LRGUK: variants seen among roughly 807,000 people sequenced by gnomAD.
The protein encoded by LRGUK is leucine-rich repeat and guanylate kinase domain-containing protein.
LRGUK carries 65 observed loss-of-function variants against 76.0 expected under a neutral mutation model. That is an observed-to-expected ratio of 0.85 (90% CI 0.70 to 1.05). LRGUK has a LOEUF of 1.05. Among genes scored for constraint, LRGUK ranks in the 50% least tolerant of loss-of-function variants. LRGUK has a pLI of 0.00. For synonymous variants in LRGUK, 268 were observed against 265.6 expected (o/e 1.01, Z -0.09); for missense variants, 758 against 732.8 (o/e 1.03, Z -0.40).
At chr7:134,179,189 C>T (rs563997964) in intron 10 of LRGUK, among the ~76,000 whole-genome samples, 13 of 152,114 alleles carry the variant, frequency 8.5e-5, no homozygotes, top group African/African-American at 2.9e-4. Context: ...AGGGAGGAGT[C>T]GCCCAGCTCG....
chr7:134,260,766 T>C (rs1239874862), intron 19 of LRGUK, among the ~76,000 whole-genome samples: 3 of 152,222 alleles, frequency 2.0e-5, no homozygotes, highest in Admixed American at 6.5e-5. Flanking sequence ...ACTGCTCCTG[T>C]GGCTTCTCCT....
intron 11 of LRGUK, among the ~76,000 whole-genome samples, chr7:134,184,642 C>T (rs543427536): frequency 2.0e-5 from 3 of 152,254 alleles, no homozygotes; most frequent in East Asian, 3.9e-4. Flanking sequence ...CCTGCTTCCC[C>T]CACCCACCAC....
intron 12 of LRGUK, among the ~76,000 whole-genome samples, chr7:134,195,887 C>T (rs1017004477): frequency 6.6e-6 from 1 of 152,000 alleles, no homozygotes; most frequent in East Asian, 1.9e-4. Flanking sequence ...GTGGATCTTC[C>T]TCATCACCTG....
chr7:134,238,961 C>T (rs2117188549), intron 16 of LRGUK, among the ~76,000 whole-genome samples: 1 of 152,258 alleles, frequency 6.6e-6, no homozygotes, highest in East Asian at 1.9e-4. Context: ...CTGTTTGATC[C>T]ATTCTAATAC....
intron 5 of LRGUK, among the ~76,000 whole-genome samples, chr7:134,153,344 G>A (rs1230735063): frequency 6.6e-6 from 1 of 151,920 alleles, no homozygotes; most frequent in East Asian, 1.9e-4. Context: ...CTTTCCATAT[G>A]TGGATAATTG....
At chr7:134,175,879 TTTA>T (rs1224302534) in intron 8 of LRGUK, among the ~76,000 whole-genome samples, 1 of 152,166 alleles carries the variant, frequency 6.6e-6, no homozygotes, top group African/African-American at 2.4e-5. Flanking sequence ...TGAATATCAT[TTTA>T]TTATTACAAA....
intron 1 of LRGUK, among the ~76,000 whole-genome samples, chr7:134,132,478 G>C (rs923812448): frequency 6.6e-6 from 1 of 152,170 alleles, no homozygotes; most frequent in Non-Finnish European, 1.5e-5. Flanking sequence ...TGGCCCACGT[G>C]GTTTTTATGA....
intron 13 of LRGUK, among the ~76,000 whole-genome samples, chr7:134,197,497 T>A (rs1377092511): frequency 1.3e-5 from 2 of 152,198 alleles, no homozygotes; most frequent in African/African-American, 4.8e-5. Context: ...TCTGTTTACA[T>A]AAAAGGTTGT....
chr7:134,172,550 G>T (rs559688008), intron 7 of LRGUK, among the ~76,000 whole-genome samples: 2 of 152,290 alleles, frequency 1.3e-5, no homozygotes, highest in East Asian at 3.9e-4. Flanking sequence ...AAATACATCA[G>T]ATTGCCCTAT....
At chr7:134,151,202 G>C (rs746035785) in intron 5 of LRGUK, among the ~76,000 whole-genome samples, 6 of 152,044 alleles carry the variant, frequency 3.9e-5, no homozygotes, top group Non-Finnish European at 8.8e-5. Context: ...ATCTCTTGAG[G>C]AGAAGAAAAG....
chr7:134,216,782 G>A (rs1001838901), intron 15 of LRGUK, among the ~76,000 whole-genome samples: 9 of 152,090 alleles, frequency 5.9e-5, no homozygotes, highest in Non-Finnish European at 1.0e-4. Flanking sequence ...CAGTGTCCTA[G>A]GATAAAAATA....
intron 12 of LRGUK, among the ~76,000 whole-genome samples, chr7:134,196,033 C>T (rs991978161): frequency 2.6e-5 from 4 of 152,140 alleles, no homozygotes; most frequent in African/African-American, 7.2e-5. Flanking sequence ...GGCCAAGACA[C>T]AGGGTAGCAA....
intron 15 of LRGUK, among the ~76,000 whole-genome samples, chr7:134,205,126 G>A (rs758075299): frequency 9.9e-5 from 15 of 152,170 alleles, no homozygotes; most frequent in Non-Finnish European, 2.1e-4. Flanking sequence ...TCCCTTATTT[G>A]TCCAGGGAAT....
At chr7:134,129,668 C>T (rs1035948581) in intron 1 of LRGUK, among the ~76,000 whole-genome samples, 13 of 151,220 alleles carry the variant, frequency 8.6e-5, no homozygotes, top group Admixed American at 4.6e-4. Flanking sequence ...GAGACGGGGG[C>T]CTTGCCATAT....
At chr7:134,223,148 G>C (rs933783385) in intron 16 of LRGUK, among the ~76,000 whole-genome samples, 1 of 152,080 alleles carries the variant, frequency 6.6e-6, no homozygotes, top group African/African-American at 2.4e-5. Context: ...CTCCTGGCTG[G>C]CCTCTTCCAT....
chr7:134,175,602 A>T (rs1227365217), intron 8 of LRGUK, among the ~76,000 whole-genome samples: 1 of 152,140 alleles, frequency 6.6e-6, no homozygotes, highest in East Asian at 1.9e-4. Context: ...CCTCTCCCCA[A>T]CATTTACACC....
rs528812860 is a variant in LRGUK, at chr7:134,159,399, A to G, written c.795+1240A>G. Among the ~76,000 whole-genome samples the G allele has an allele frequency of 1.0e-3, 153 of 151,904 alleles. 1 individual carries two copies. Among genetic ancestry groups the G allele is most frequent in the Middle Eastern group, 6.8e-3 (2 of 294 alleles). The stretch of plus-strand genomic sequence containing the variant: ...GATTATCTGCTGATTTTTGACATAT[A>G]CAATATACTATTTCTGTCTTATTTA... On this transcript the variant is annotated intron_variant, in intron 6 of 15. Transcript: ENST00000645682.
intron 7 of LRGUK, among the ~76,000 whole-genome samples, chr7:134,173,649 G>T (rs1030965095): frequency 2.6e-5 from 4 of 151,704 alleles, no homozygotes; most frequent in Non-Finnish European, 5.9e-5. Flanking sequence ...TTTTTAAAAT[G>T]GTGAAACACA....
At chr7:134,190,946 T>TTA (rs71172441) in intron 11 of LRGUK, among the ~76,000 whole-genome samples, 1 of 151,320 alleles carries the variant, frequency 6.6e-6, no homozygotes, top group Non-Finnish European at 1.5e-5. Flanking sequence ...AGTTGAGCGG[T>TTA]GTGGTGGGAT....
Sources: allele counts gnomAD v4.1 joint callset (sites outside exome capture counted in the v4.1 genomes callset), GRCh38; gene constraint gnomAD v4.1.1; transcripts MANE v1.5; gene names NCBI Gene and HGNC (gene_info 2026-07-23, HGNC 2026-07-21).